The following PITRM1 variants were observed in gnomAD, a reference collection of about 807,000 sequenced individuals.
The protein encoded by PITRM1 is presequence protease, mitochondrial.
PITRM1 carries 100 observed loss-of-function variants against 129.9 expected under a neutral mutation model. That is an observed-to-expected ratio of 0.77 (90% confidence interval 0.65 to 0.91). The LOEUF is 0.91. PITRM1 is among the 40% of genes least tolerant of loss of function. The pLI, the probability that PITRM1 is intolerant of heterozygous loss-of-function variation, is 0.00. For missense variants in PITRM1, 1,471 were observed against 1,318.3 expected, an observed-to-expected ratio of 1.12 and a Z score of -1.79; for synonymous variants, 591 against 508.8, an observed-to-expected ratio of 1.16 and a Z score of -2.17.
chr10:3,140,940 T>C (rs147923308), intron 23 of PITRM1, 128 bp from the exon 24 acceptor site: 170 of 874,652 alleles, frequency 1.9e-4, no homozygotes, highest in African/African-American at 1.2e-3. Context: ...TATGGTCCCA[T>C]ATTTTGGTCT....
intron 19 of PITRM1, 47 bp from the exon 20 acceptor site, chr10:3,147,297 AC>A: frequency 7.3e-7 from 1 of 1,368,324 alleles, no homozygotes; most frequent in South Asian, 1.2e-5. Flanking sequence ...GCTACAACAG[AC>A]CCGCTGAGTC....
At chr10:3,140,521 G>C (rs1465878092) in intron 24 of PITRM1, among the ~76,000 whole-genome samples, 166 bp downstream of exon 24, 1 of 152,222 alleles carries the variant, frequency 6.6e-6, no homozygotes, top group Non-Finnish European at 1.5e-5. Context: ...CCTCGCGCCA[G>C]AAAGGACATT....
chr10:3,145,205 G>A (rs1249466627), intron 21 of PITRM1: 1 of 190,350 alleles, frequency 5.3e-6, no homozygotes, highest in Non-Finnish European at 1.1e-5. Context: ...AATTTACTAA[G>A]TTAGTTATCA....
rs530058427 is a variant in PITRM1, at chr10:3,155,634, G to A, written c.1578C>T (p.Val526=). The change falls in exon 14 of 27, where the codon GTC becomes GTT. Residue 526 remains valine, a synonymous_variant. Transcript: ENST00000224949. The part of the protein sequence containing the change: ...QVEATKLKQK[V]EALSPGDRQQ... ...GCCTGTCTCCGGGGGACAGAGCCTC[G>A]ACCTTCTGCTTGAGCTTCGTGGCTT... 15 of 1,613,840 alleles carry A rather than the reference G, an allele frequency of 9.3e-6. No homozygotes were observed. Among genetic ancestry groups the A allele is most frequent in the East Asian group, 4.5e-5 (2 of 44,848 alleles).
At position 3,162,349 on chromosome 10, in the gene PITRM1, C is replaced by T. The variant is rs528030235; in HGVS notation, c.791+1376G>A. On this transcript the variant is annotated intron_variant, in intron 7 of 26. Transcript: ENST00000224949. ...CTCTTCTTTGAAGAAGTCCAGCAAACAAATGAAGAAGTTACAGAACTAGAA... is the reference window on the plus strand; with the variant it reads ...CTCTTCTTTGAAGAAGTCCAGCAAATAAATGAAGAAGTTACAGAACTAGAA... 2.0e-4 allele frequency among the ~76,000 whole-genome samples: 30 copies of T among 152,226 alleles called. No homozygotes were observed. The South Asian group carries it at 5.8e-3, about 29-fold the overall frequency.
intron 18 of PITRM1, 54 bp from the exon 19 acceptor site, chr10:3,147,791 C>CA: frequency 6.8e-7 from 1 of 1,478,180 alleles, no homozygotes; most frequent in Non-Finnish European, 9.1e-7. Context: ...CACGTCCCTT[C>CA]AGTATCATGG....
intron 2 of PITRM1, 120 bp from the exon 3 acceptor site, chr10:3,167,162 C>T: frequency 3.2e-6 from 2 of 618,526 alleles, no homozygotes; most frequent in Non-Finnish European, 5.8e-6. Context: ...GCCGGGAAGG[C>T]AGTATTTCAG....
intron 24 of PITRM1, among the ~76,000 whole-genome samples, chr10:3,140,244 GC>G (rs1435336249): frequency 6.6e-6 from 1 of 152,190 alleles, no homozygotes; most frequent in Non-Finnish European, 1.5e-5. Flanking sequence ...TACCTAGACG[GC>G]TACTGGGTGA....
intron 11 of PITRM1, 53 bp from the exon 12 acceptor site, chr10:3,157,584 G>C (rs186156052): frequency 8.3e-7 from 1 of 1,202,870 alleles, no homozygotes; most frequent in Non-Finnish European, 1.2e-6. Flanking sequence ...GCTCATGCTT[G>C]TAATCCCAGC....
In PITRM1 at chr10:3,148,135, T is replaced by C. The variant is rs375825684; in HGVS notation, c.1992+36A>G. On this transcript the variant is annotated intron_variant, in intron 17 of 26. Transcript: ENST00000224949. The stretch of plus-strand genomic sequence containing the variant: ...CAGTGACAGACACTGGAGAAAAGCT[T>C]CCCACCGCAGCAGTCGTCTGACGGT... The C allele has an allele frequency of 2.9e-5, 47 of 1,613,656 alleles. No homozygotes were observed. The Admixed American group carries it at 3.0e-4, about 10-fold the overall frequency.
At position 3,163,893 on chromosome 10, in the gene PITRM1, C is replaced by A. The variant is rs758720938; in HGVS notation, c.631-8G>T. On this transcript the variant is annotated splice_region_variant and splice_polypyrimidine_tract_variant and intron_variant, in intron 6 of 26. Coordinates refer to ENST00000224949, the MANE Select transcript of PITRM1 (RefSeq NM_014889.4). ...TATCCTCTCATTGTCTGTCTTGAAA[C>A]GTAAAATAAATAAATCATAAGTATA... 6.3e-7 allele frequency: 1 copy of A among 1,577,252 alleles called. No homozygotes were observed. The highest frequency in any genetic ancestry group is 1.8e-5 in the Admixed American group (1 of 55,260).
chr10:3,153,723 T>C (rs1374735548), intron 14 of PITRM1, among the ~76,000 whole-genome samples: 1 of 152,220 alleles, frequency 6.6e-6, no homozygotes, highest in Non-Finnish European at 1.5e-5. Flanking sequence ...ATTTTTCTTT[T>C]ACATGATGTA....
At chr10:3,154,151 G>A (rs1841766077) in intron 14 of PITRM1, among the ~76,000 whole-genome samples, 1 of 152,188 alleles carries the variant, frequency 6.6e-6, no homozygotes. Context: ...CTGGCACCCG[G>A]CTTCTTTCCC....
chr10:3,147,242 C>G lies in PITRM1; in HGVS notation c.2244G>C (p.Leu748=). The change falls in exon 20 of 27, where the codon CTG becomes CTC. Residue 748 remains leucine (L), a synonymous_variant. Coordinates refer to ENST00000224949, the MANE Select transcript of PITRM1 (RefSeq NM_014889.4). ...CTGTCATTTCTGCAATCCTCTTCAT[C>G]AGCCGCACCTAAGCCAGAGGAAACT... is the stretch of plus-strand genomic sequence containing the variant. The part of the protein sequence containing the change: ...ETFSGMDQVR[L]MKRIAEMTDI... 2 of 1,611,608 alleles carry G rather than the reference C, an allele frequency of 1.2e-6. No homozygotes were observed. The highest frequency in any genetic ancestry group is 1.7e-6 in the Non-Finnish European group (2 of 1,177,842).
intron 2 of PITRM1, among the ~76,000 whole-genome samples, chr10:3,169,055 C>G (rs1217559472): frequency 6.6e-6 from 1 of 152,132 alleles, no homozygotes; most frequent in Non-Finnish European, 1.5e-5. Flanking sequence ...GAGCCAAGAT[C>G]ATACCACCAC....
At position 3,158,022 on chromosome 10, in the gene PITRM1, C is replaced by A. The variant is rs1842115861; in HGVS notation, c.1250+18G>T. 6.9e-7 allele frequency: 1 copy of A among 1,457,314 alleles called. No homozygotes were observed. Among genetic ancestry groups the A allele is most frequent in the Non-Finnish European group, 9.7e-7 (1 of 1,036,186 alleles). The allele number at this position is 1,457,314 out of a possible 1,614,324, so 90.3% of individuals were successfully genotyped here. On this transcript the variant is annotated intron_variant, in intron 11 of 26. Coordinates refer to ENST00000224949, the MANE Select transcript of PITRM1 (RefSeq NM_014889.4). ...AATGAGGAACGAAAGCAGATTGTTA[C>A]AAACAAGCTACACTCACTCAACTAC...
chr10:3,149,266 C>T (rs954165152), intron 16 of PITRM1: 7 of 179,088 alleles, frequency 3.9e-5, no homozygotes, highest in Non-Finnish European at 8.2e-5. Context: ...GGAGGAGGAG[C>T]CACGCACGCA....
chr10:3,149,786 C>T (rs376434975), intron 15 of PITRM1, 33 bp from the exon 16 acceptor site: 305 of 1,610,828 alleles, frequency 1.9e-4, no homozygotes, highest in Non-Finnish European at 1.9e-4. Flanking sequence ...ATTTTTATTG[C>T]TGCCAGTAAA....
In PITRM1 at chr10:3,166,189, C is replaced by A. The variant is rs183457850; in HGVS notation, c.418+40G>T. On this transcript the variant is annotated intron_variant, in intron 4 of 26. Coordinates refer to ENST00000224949, the MANE Select transcript of PITRM1 (RefSeq NM_014889.4). ...ACTGAATTCCAGTGGGTGTGCCTGGCAAACCCAAAAGCAGTTTCTGTTCAG... is the reference window on the plus strand; with the variant it reads ...ACTGAATTCCAGTGGGTGTGCCTGGAAAACCCAAAAGCAGTTTCTGTTCAG... The A allele has an allele frequency of 2.8e-3, 4,212 of 1,509,658 alleles. 9 individuals are homozygous for A. Among genetic ancestry groups the A allele is most frequent in the Middle Eastern group, 5.3e-3 (30 of 5,634 alleles). 93.5% of individuals were successfully genotyped at this position (1,509,658 alleles called of 1,614,324 possible).
Sources: allele counts gnomAD v4.1 joint callset (sites outside exome capture counted in the v4.1 genomes callset), GRCh38; gene constraint gnomAD v4.1.1; transcripts MANE v1.5; gene names NCBI Gene and HGNC (gene_info 2026-07-23, HGNC 2026-07-21).